The following TNMD variants were observed in gnomAD, a reference collection of about 807,000 sequenced individuals.
TNMD encodes the protein tenomodulin, also known as BRICHOS domain containing 4.
A neutral mutation model predicts 26.9 loss-of-function variants in TNMD; 15 were observed. That is an observed-to-expected ratio of 0.56 (90% CI 0.37 to 0.86). The LOEUF (loss-of-function observed/expected upper bound fraction) is 0.86. Ranked by LOEUF, TNMD falls within the 40% of genes least tolerant of loss-of-function variation. The probability of loss-of-function intolerance (pLI) is 0.00; values close to 1 mark genes in which losing one functional copy is unlikely to be tolerated. For synonymous variants in TNMD, 73 were observed against 77.0 expected, an observed-to-expected ratio of 0.95 and a Z score of 0.27; for missense variants, 222 against 242.6, an observed-to-expected ratio of 0.92 and a Z score of 0.56.
At chrX:100,591,901 G>A (rs1315940855) in intron 2 of TNMD, among the ~76,000 whole-genome samples, 1 of 111,778 alleles carries the variant, frequency 8.9e-6, no homozygotes, top group African/African-American at 3.3e-5. Context: ...ATTGCCAACA[G>A]TGCAGGAAAA....
At chrX:100,596,458 A>G (rs182432560) in intron 4 of TNMD, among the ~76,000 whole-genome samples, 1 of 112,402 alleles carries the variant, frequency 8.9e-6, no homozygotes, top group East Asian at 2.8e-4. Flanking sequence ...CATGATAGTA[A>G]GAACACTGTA....
In TNMD at chrX:100,584,959, C is replaced by T. The variant is rs1008141235; in HGVS notation, c.-60C>T. On this transcript the variant is annotated 5_prime_UTR_variant, in exon 1 of 7. Transcript: ENST00000373031. ...TTAGCCGACTCACTTGCAACTCCACCTCAGCAGTGGTCTCTCAGTCCTCTC... is the reference window on the plus strand; with the variant it reads ...TTAGCCGACTCACTTGCAACTCCACTTCAGCAGTGGTCTCTCAGTCCTCTC... 5.6e-5 allele frequency: 62 copies of T among 1,114,559 alleles called. No homozygotes were observed. The highest frequency in any genetic ancestry group is 7.4e-5 in the Non-Finnish European group (61 of 826,471). 91.9% of individuals were successfully genotyped at this position (1,114,559 alleles called of 1,213,427 possible).
At chrX:100,594,803 T>C (rs943295812) in intron 4 of TNMD, among the ~76,000 whole-genome samples, 1 of 112,167 alleles carries the variant, frequency 8.9e-6, no homozygotes, top group Non-Finnish European at 1.9e-5. Context: ...TTGTCACACT[T>C]CAGTATTCAC....
At chrX:100,599,383 C>G in intron 6 of TNMD, 125 bp from the exon 7 acceptor site, 1 of 678,136 alleles carries the variant, frequency 1.5e-6, no homozygotes, top group Non-Finnish European at 2.2e-6. Flanking sequence ...CATGATCAGG[C>G]TAAGGAGCTT....
chrX:100,593,698 G>C lies in TNMD; in HGVS notation c.181-197G>C, dbSNP rs1314234657. On this transcript the variant is annotated intron_variant, in intron 2 of 6. Transcript: ENST00000373031. ...CAAGGGGAAAATACTTTATAGGCTG[G>C]TTTGCAAACTATCATTTGCTGTTTA... is the stretch of plus-strand genomic sequence containing the variant. The C allele has an allele frequency of 7.8e-6, 3 of 384,818 alleles. No individual in the cohort carries two copies. In the Admixed American group the frequency reaches 1.5e-4, roughly 20 times the overall value. 31.7% of individuals were successfully genotyped at this position (384,818 alleles called of 1,213,427 possible).
chrX:100,586,765 C>T (rs777045811), intron 2 of TNMD, among the ~76,000 whole-genome samples: 207 of 111,675 alleles, frequency 1.9e-3, no homozygotes, highest in African/African-American at 6.4e-3. Context: ...TTCAAATGTC[C>T]TTCTAGAGAA....
chrX:100,595,710 T>A (rs2082951006), intron 4 of TNMD, among the ~76,000 whole-genome samples: 1 of 110,616 alleles, frequency 9.0e-6, no homozygotes, highest in Non-Finnish European at 1.9e-5. Flanking sequence ...AGACCCTTGT[T>A]ACTAGAATTT....
Position 100,599,514 on chromosome X carries a change from A to G in TNMD, c.751A>G (p.Asn251Asp). The change falls in exon 7 of 7, where the codon AAT becomes GAT. Residue 251 changes from asparagine to aspartate, a missense_variant. By Grantham distance (23) the Asn-to-Asp change is conservative. Transcript: ENST00000373031. ...TGGCTTCTTCTTCTTTCAGACTGAA[A>G]ATGGAATAGAATTTGATCCCATGCT... ...EELPINDYTE[N>D]GIEFDPMLDE... is the part of the protein sequence containing the mutation. 1 of 1,206,062 alleles carries G rather than the reference A, an allele frequency of 8.3e-7. No individual in the cohort carries two copies. The highest frequency in any genetic ancestry group is 1.7e-5 in the African/African-American group (1 of 57,523).
At position 100,599,791 on chromosome X, in the gene TNMD, C is replaced by T. The variant is rs1044728906; in HGVS notation, c.*74C>T. Reference sequence around the variant, plus strand: ...TGCATGCTATTCAATGAATTTCTGCCTATGAGGCATCTGGCCCCTGGTAGC... The same window carrying T: ...TGCATGCTATTCAATGAATTTCTGCTTATGAGGCATCTGGCCCCTGGTAGC... On this transcript the variant is annotated 3_prime_UTR_variant, in exon 7 of 7. Transcript: ENST00000373031. The T allele has an allele frequency of 1.8e-5, 18 of 985,563 alleles. No homozygotes were observed. In the Admixed American group the frequency reaches 2.6e-4, roughly 14 times the overall value. 81.2% of individuals were successfully genotyped at this position (985,563 alleles called of 1,213,427 possible).
At chrX:100,591,559 C>A (rs2082937701) in intron 2 of TNMD, among the ~76,000 whole-genome samples, 1 of 111,443 alleles carries the variant, frequency 9.0e-6, no homozygotes, top group Non-Finnish European at 1.9e-5. Context: ...TCCAAACAGT[C>A]CAAAGTGGGC....
chrX:100,599,882 C>A lies in TNMD; in HGVS notation c.*165C>A. On this transcript the variant is annotated 3_prime_UTR_variant, in exon 7 of 7. Coordinates refer to ENST00000373031, the MANE Select transcript of TNMD (RefSeq NM_022144.3). ...GTTCTAATAAACTTCTACATTATCA[C>A]CAACAGCCTGATTGCTGCTGAACAC... The A allele has an allele frequency of 2.1e-6, 1 of 471,301 alleles. No homozygotes were observed. The highest frequency in any genetic ancestry group is 3.6e-6 in the Non-Finnish European group (1 of 276,053). 38.8% of individuals were successfully genotyped at this position (471,301 alleles called of 1,213,427 possible).
Position 100,599,543 on chromosome X carries a change from TGA to T in TNMD, c.786_787del (p.Gly263LeufsTer18). ...GAATAGAATTTGATCCCATGCTGGA[TGA>T]GAGAGGTTATTGTTGTATTTACTGC... is the stretch of plus-strand genomic sequence containing the variant. ...NGIEFDPMLD[E>X]RGYCCIYCRR... On this transcript the variant is annotated frameshift_variant, in exon 7 of 7. Coordinates refer to ENST00000373031, the MANE Select transcript of TNMD (RefSeq NM_022144.3). LOFTEE classifies it high-confidence loss of function. The T allele has an allele frequency of 8.3e-7, 1 of 1,209,933 alleles. No homozygotes were observed. The highest frequency in any genetic ancestry group is 1.1e-6 in the Non-Finnish European group (1 of 894,689).
rs773687515 is a variant in TNMD, at chrX:100,594,284, G to C, written c.345G>C (p.Val115=). ...AGGGATACACTGGCATCTACTTCGT[G>C]GGTCTTCAAAAATGTTTTATCAAAA... The part of the protein sequence containing the change: ...FKNGYTGIYF[V]GLQKCFIKTQ... Residue 115 remains valine, a synonymous_variant, in exon 4 of 7, where the codon GTG becomes GTC. Coordinates refer to ENST00000373031, the MANE Select transcript of TNMD (RefSeq NM_022144.3). 52 of 1,195,080 alleles carry C rather than the reference G, an allele frequency of 4.4e-5. No individual in the cohort carries two copies. Among genetic ancestry groups the C allele is most frequent in the Middle Eastern group, 2.3e-4 (1 of 4,326 alleles).
intron 4 of TNMD, among the ~76,000 whole-genome samples, chrX:100,594,775 CT>C (rs2082948186): frequency 1.8e-5 from 2 of 112,142 alleles, no homozygotes; most frequent in African/African-American, 3.2e-5. Flanking sequence ...CCAAAGCCAC[CT>C]GGGGTTCTTG....
chrX:100,593,922 A>G lies in TNMD; in HGVS notation c.208A>G (p.Ser70Gly), dbSNP rs910076073. Residue 70 changes from serine (S) to glycine (G), a missense_variant, in exon 3 of 7, where the codon AGC becomes GGC. By Grantham distance (56) the Ser-to-Gly change is moderately conservative. Transcript: ENST00000373031. ...CTATGACATGGAGCACACTTTCTAC[A>G]GCAATGGAGAGAAGAAGAAGATTTA... ...KAYDMEHTFYSNGEKKKIYME... is the reference protein window; with the variant it reads ...KAYDMEHTFYGNGEKKKIYME... 4.1e-6 allele frequency: 5 copies of G among 1,208,025 alleles called. No individual in the cohort carries two copies. The highest frequency in any genetic ancestry group is 5.6e-6 in the Non-Finnish European group (5 of 894,260).
rs2082945145 is a variant in TNMD, at chrX:100,593,881, C to T, written c.181-14C>T. 1 of 1,205,103 alleles carries T rather than the reference C, an allele frequency of 8.3e-7. No homozygotes were observed. The highest frequency in any genetic ancestry group is 1.8e-5 in the South Asian group (1 of 55,709). On this transcript the variant is annotated splice_polypyrimidine_tract_variant and intron_variant, in intron 2 of 6. Transcript: ENST00000373031. The stretch of plus-strand genomic sequence containing the variant: ...ACTGAGTATCTTAGAGATTGTTTTC[C>T]TCTGTTCTCCCAGGCCTATGACATG...
At chrX:100,599,299 A>T in intron 6 of TNMD, 117 bp downstream of exon 6, 1 of 766,685 alleles carries the variant, frequency 1.3e-6, no homozygotes, top group Non-Finnish European at 1.8e-6. Context: ...AACAAAAAAA[A>T]AAAAATGTTT....
intron 2 of TNMD, among the ~76,000 whole-genome samples, chrX:100,591,610 A>G (rs1477778993): frequency 9.0e-5 from 10 of 111,541 alleles, no homozygotes; most frequent in Admixed American, 8.5e-4. Flanking sequence ...GTCTGTTCCA[A>G]AAGGACACCT....
In TNMD at chrX:100,599,866, A is replaced by T. The variant is rs1171929835; in HGVS notation, c.*149A>T. Reference sequence around the variant, plus strand: ...TAATTCCTCTCTTCATGTTCTAATAAACTTCTACATTATCACCAACAGCCT... The same window carrying T: ...TAATTCCTCTCTTCATGTTCTAATATACTTCTACATTATCACCAACAGCCT... On this transcript the variant is annotated 3_prime_UTR_variant, in exon 7 of 7. Coordinates refer to ENST00000373031, the MANE Select transcript of TNMD (RefSeq NM_022144.3). The T allele has an allele frequency of 2.0e-5, 10 of 493,690 alleles. No homozygotes were observed. The highest frequency in any genetic ancestry group is 3.1e-5 in the Non-Finnish European group (9 of 294,894). The allele number at this position is 493,690 out of a possible 1,213,427, so 40.7% of individuals were successfully genotyped here. A position where few individuals can be genotyped will look rare whatever the true frequency, so the allele number is the denominator to read the frequency against.
Sources: gnomAD v4.1 joint callset for allele counts (sites outside exome capture counted in the v4.1 genomes callset) on GRCh38, gnomAD v4.1.1 for gene constraint, MANE v1.5 for transcripts, NCBI Gene and HGNC (gene_info 2026-07-23, HGNC 2026-07-21) for gene names.